Variants in DENND5B observed in about 807,000 individuals in gnomAD.
The protein encoded by DENND5B is DENN domain containing 5B.
Under a neutral mutation model 140.6 loss-of-function variants are expected in DENND5B, and 34 were observed. That is an observed-to-expected ratio of 0.24 (90% CI 0.18 to 0.32). The LOEUF is 0.32. DENND5B is among the 10% of genes least tolerant of loss of function. The pLI is 1.00. For synonymous variants in DENND5B, 551 were observed against 562.1 expected (o/e 0.98, Z 0.28); for missense variants, 1,142 against 1,560.2 (o/e 0.73, Z 4.52).
rs573327489 is a variant in DENND5B, at chr12:31,550,272, T to C, written c.127+40434A>G. ...ATGTTCCCCTTCCTGTGTCCATGTG[T>C]TCTCATTGTTCAATTCCCACCTATG... On this transcript the variant is annotated intron_variant, in intron 1 of 20. Transcript: ENST00000389082. 4.1e-3 allele frequency among the ~76,000 whole-genome samples: 575 copies of C among 138,984 alleles called. 5 individuals carry two copies. The highest frequency in any genetic ancestry group is 0.014 in the African/African-American group (525 of 37,270). 91.2% of individuals were successfully genotyped at this position (138,984 alleles called of 152,430 possible). A position where few individuals can be genotyped will look rare whatever the true frequency, so the allele number is the denominator to read the frequency against.
chr12:31,560,963 A>G (rs189282350), intron 1 of DENND5B, among the ~76,000 whole-genome samples: 2 of 152,318 alleles, frequency 1.3e-5, no homozygotes, highest in East Asian at 3.9e-4. Context: ...ATGCTTAGTG[A>G]GCTCATTTCA....
At chr12:31,500,182 T>G (rs943105463) in intron 1 of DENND5B, among the ~76,000 whole-genome samples, 3 of 152,202 alleles carry the variant, frequency 2.0e-5, no homozygotes, top group African/African-American at 7.2e-5. Context: ...ATCTCGGATT[T>G]TTGGATTAGG....
intron 1 of DENND5B, among the ~76,000 whole-genome samples, chr12:31,557,361 A>G (rs1949320977): frequency 6.6e-6 from 1 of 152,150 alleles, no homozygotes; most frequent in Non-Finnish European, 1.5e-5. Flanking sequence ...TTAAAAATAT[A>G]GTTATATTCA....
At chr12:31,468,357 T>C (rs1945375982) in intron 3 of DENND5B, among the ~76,000 whole-genome samples, 1 of 152,254 alleles carries the variant, frequency 6.6e-6, no homozygotes, top group East Asian at 1.9e-4. Flanking sequence ...GTGCTTAAGA[T>C]ACTGGTTTTG....
At chr12:31,499,670 A>G in intron 1 of DENND5B, 1 of 1,485,656 alleles carries the variant, frequency 6.7e-7, no homozygotes. Flanking sequence ...ATTGGTACAA[A>G]ACTACATAAT....
chr12:31,558,671 C>T (rs1949377412), intron 1 of DENND5B, among the ~76,000 whole-genome samples: 1 of 152,180 alleles, frequency 6.6e-6, no homozygotes, highest in Non-Finnish European at 1.5e-5. Context: ...TAACACTTTA[C>T]ACAACACTGA....
intron 1 of DENND5B, among the ~76,000 whole-genome samples, chr12:31,545,267 G>A (rs950646351): frequency 1.5e-4 from 23 of 152,164 alleles, no homozygotes; most frequent in South Asian, 1.5e-3. Context: ...AGATACAGGG[G>A]GTACAGGTGC....
chr12:31,446,477 G>A (rs1421704531), intron 6 of DENND5B, among the ~76,000 whole-genome samples: 1 of 152,148 alleles, frequency 6.6e-6, no homozygotes, highest in Non-Finnish European at 1.5e-5. Context: ...AATAAGTGAA[G>A]CTATTATAAT....
chr12:31,491,376 A>G (rs1946520577), intron 2 of DENND5B, among the ~76,000 whole-genome samples: 1 of 152,072 alleles, frequency 6.6e-6, no homozygotes, highest in South Asian at 2.1e-4. Flanking sequence ...TCACTTGAAC[A>G]CCGGAGGCAG....
intron 2 of DENND5B, among the ~76,000 whole-genome samples, chr12:31,484,775 TAGG>T: frequency 6.6e-6 from 1 of 152,042 alleles, no homozygotes; most frequent in South Asian, 2.1e-4. Flanking sequence ...AACTCCAGCC[TAGG>T]CAACAGAGTG....
rs1946019190 is a variant in DENND5B, at chr12:31,480,352, G to A, written c.238-97C>T. The A allele has an allele frequency of 3.3e-6, 4 of 1,215,476 alleles. No individual in the cohort carries two copies. In the Admixed American group the frequency reaches 1.3e-4, roughly 39 times the overall value. 75.3% of individuals were successfully genotyped at this position (1,215,476 alleles called of 1,614,324 possible). ...TTTTTAACATAACAGGATTCAAAAA[G>A]ACAGGTTTTATCCAGATTTAATATT... On this transcript the variant is annotated intron_variant, in intron 2 of 20. Coordinates refer to ENST00000389082, the MANE Select transcript of DENND5B (RefSeq NM_144973.4).
chr12:31,511,387 T>C (rs539870350), intron 1 of DENND5B, among the ~76,000 whole-genome samples: 11 of 152,284 alleles, frequency 7.2e-5, no homozygotes, highest in African/African-American at 2.6e-4. Flanking sequence ...TTCCATAGCT[T>C]AATTTTTAAA....
chr12:31,526,636 A>G (rs1227554759), intron 1 of DENND5B, among the ~76,000 whole-genome samples: 1 of 152,246 alleles, frequency 6.6e-6, no homozygotes, highest in Non-Finnish European at 1.5e-5. Flanking sequence ...ACTAAATGCA[A>G]TGTGGTATCC....
chr12:31,555,221 G>C (rs1391151552), intron 1 of DENND5B, among the ~76,000 whole-genome samples: 3 of 152,154 alleles, frequency 2.0e-5, no homozygotes, highest in African/African-American at 7.2e-5. Context: ...GTGACGTACA[G>C]ATGGGTTTTT....
intron 1 of DENND5B, among the ~76,000 whole-genome samples, chr12:31,570,428 G>A (rs1406752817): frequency 3.3e-5 from 5 of 150,238 alleles, no homozygotes; most frequent in African/African-American, 7.3e-5. Flanking sequence ...ACAGGCGCCC[G>A]CCACCACACC....
rs936496734 is a variant in DENND5B, at chr12:31,475,481, C to T, written c.904+4108G>A. Among the ~76,000 whole-genome samples, 84 of 152,178 alleles carry T rather than the reference C, an allele frequency of 5.5e-4. 1 individual carries two copies. The highest frequency in any genetic ancestry group is 2.0e-3 in the African/African-American group (81 of 41,436). On this transcript the variant is annotated intron_variant, in intron 3 of 20. Coordinates refer to ENST00000389082, the MANE Select transcript of DENND5B (RefSeq NM_144973.4). ...CCAAACAGGACAAGCTAAGCAGTGGCTCACACCTGTAAACCCTACACTTTG... is the reference window on the plus strand; with the variant it reads ...CCAAACAGGACAAGCTAAGCAGTGGTTCACACCTGTAAACCCTACACTTTG...
At position 31,394,567 on chromosome 12, in the gene DENND5B, A is replaced by C. The variant is rs921215276; in HGVS notation, c.3257-1871T>G. Among the ~76,000 whole-genome samples, 9 of 152,164 alleles carry C rather than the reference A, an allele frequency of 5.9e-5. No homozygotes were observed. The South Asian group carries it at 8.3e-4, about 14-fold the overall frequency. ...TGGATAGTCATGTAACCACCACCAC[A>C]ATCATGATACAGAACATTTCCATCA... On this transcript the variant is annotated intron_variant, in intron 17 of 20. Coordinates refer to ENST00000389082, the MANE Select transcript of DENND5B (RefSeq NM_144973.4).
chr12:31,564,690 G>T (rs1033388154), intron 1 of DENND5B, among the ~76,000 whole-genome samples: 1 of 151,738 alleles, frequency 6.6e-6, no homozygotes, highest in Non-Finnish European at 1.5e-5. Context: ...CCAGGCTCAA[G>T]TGATCCTCCC....
At chr12:31,561,025 G>A (rs1253131282) in intron 1 of DENND5B, among the ~76,000 whole-genome samples, 3 of 152,104 alleles carry the variant, frequency 2.0e-5, no homozygotes, top group Non-Finnish European at 2.9e-5. Context: ...GTATTCTTAC[G>A]AGAAAATAGA....
Sources: gnomAD v4.1 joint callset for allele counts (sites outside exome capture counted in the v4.1 genomes callset) on GRCh38, gnomAD v4.1.1 for gene constraint, MANE v1.5 for transcripts, NCBI Gene and HGNC (gene_info 2026-07-23, HGNC 2026-07-21) for gene names.